Variants in SUPT3H observed in about 807,000 individuals in gnomAD.
SUPT3H encodes the protein transcription initiation protein SPT3 homolog.
Under a neutral mutation model 44.3 loss-of-function variants are expected in SUPT3H, and 44 were observed. That is an observed-to-expected ratio of 0.99 (90% CI 0.78 to 1.28). The LOEUF (loss-of-function observed/expected upper bound fraction) is 1.28, where lower values mean the gene tolerates loss of function less well. SUPT3H is among the 50% of genes most tolerant of loss of function. The pLI is 0.00. For synonymous variants in SUPT3H, 124 were observed against 125.6 expected, an observed-to-expected ratio of 0.99 and a Z score of 0.09; for missense variants, 380 against 387.1, an observed-to-expected ratio of 0.98 and a Z score of 0.15.
At chr6:45,343,192 G>A (rs988762167) in intron 2 of SUPT3H, among the ~76,000 whole-genome samples, 1 of 152,164 alleles carries the variant, frequency 6.6e-6, no homozygotes, top group Non-Finnish European at 1.5e-5. Flanking sequence ...AGCAGAATCA[G>A]CATGACCTGA....
intron 2 of SUPT3H, among the ~76,000 whole-genome samples, chr6:45,161,618 C>T (rs1240530949): frequency 2.0e-5 from 3 of 152,148 alleles, no homozygotes; most frequent in Admixed American, 2.0e-4. Context: ...TCCTTGAAGG[C>T]ATGAATAGTG....
At chr6:45,025,836 T>C (rs568583683) in intron 3 of SUPT3H, among the ~76,000 whole-genome samples, 2 of 145,952 alleles carry the variant, frequency 1.4e-5, no homozygotes, top group East Asian at 4.1e-4. Context: ...TGAGCTGAGA[T>C]AGCGCCACTG....
chr6:45,226,814 C>G (rs1000974444), intron 2 of SUPT3H, among the ~76,000 whole-genome samples: 1 of 151,954 alleles, frequency 6.6e-6, no homozygotes, highest in Non-Finnish European at 1.5e-5. Context: ...CAGGCGTGAG[C>G]CACTGCGCCT....
At chr6:45,109,192 T>C (rs868707483) in intron 2 of SUPT3H, among the ~76,000 whole-genome samples, 3 of 152,158 alleles carry the variant, frequency 2.0e-5, no homozygotes, top group South Asian at 4.1e-4. Context: ...AAACAACCAA[T>C]AGAACAAAAA....
At chr6:45,118,171 A>G (rs1340314499) in intron 2 of SUPT3H, among the ~76,000 whole-genome samples, 1 of 152,100 alleles carries the variant, frequency 6.6e-6, no homozygotes, top group Non-Finnish European at 1.5e-5. Flanking sequence ...TGAAACTCAT[A>G]TTAACCTTTA....
chr6:45,216,054 T>C (rs1478207013), intron 2 of SUPT3H, among the ~76,000 whole-genome samples: 1 of 152,058 alleles, frequency 6.6e-6, no homozygotes. Flanking sequence ...ATGGGGGTAA[T>C]GGTAGCCAAG....
intron 10 of SUPT3H, among the ~76,000 whole-genome samples, chr6:44,900,060 A>C (rs1192331161): frequency 6.6e-6 from 1 of 152,248 alleles, no homozygotes; most frequent in East Asian, 1.9e-4. Context: ...AAGACGGCTG[A>C]ATAGAACAGC....
intron 3 of SUPT3H, among the ~76,000 whole-genome samples, chr6:45,057,769 G>A (rs1381947802): frequency 6.6e-6 from 1 of 152,076 alleles, no homozygotes; most frequent in African/African-American, 2.4e-5. Flanking sequence ...TTGAAAACCT[G>A]GATTTGTGAA....
intron 2 of SUPT3H, among the ~76,000 whole-genome samples, chr6:45,253,172 T>C (rs1016598728): frequency 2.0e-4 from 31 of 152,076 alleles, no homozygotes; most frequent in Admixed American, 4.6e-4. Flanking sequence ...AAATTTCTTA[T>C]AAAAAACAAA....
chr6:44,846,167 A>C (rs147272508), intron 10 of SUPT3H, among the ~76,000 whole-genome samples: 100 of 152,136 alleles, frequency 6.6e-4, no homozygotes, highest in African/African-American at 2.2e-3. Flanking sequence ...GGAGAAGGGA[A>C]TTTTTCCCAT....
chr6:45,046,802 T>C (rs1213044382), intron 3 of SUPT3H, among the ~76,000 whole-genome samples: 1 of 152,240 alleles, frequency 6.6e-6, no homozygotes, highest in Non-Finnish European at 1.5e-5. Context: ...GCAATGAATC[T>C]GTAGAACAAT....
intron 2 of SUPT3H, among the ~76,000 whole-genome samples, chr6:45,296,763 A>AAAAAG (rs773626169): frequency 4.0e-5 from 5 of 125,034 alleles, no homozygotes; most frequent in Admixed American, 9.6e-5. Context: ...AAAAAAAAAA[A>AAAAAG]ATTACAAATA....
intron 2 of SUPT3H, among the ~76,000 whole-genome samples, chr6:45,111,125 C>T (rs866435851): frequency 9.9e-5 from 15 of 151,676 alleles, no homozygotes; most frequent in African/African-American, 3.4e-4. Flanking sequence ...CTCCACCTCC[C>T]GGCTTCAAGC....
intron 3 of SUPT3H, among the ~76,000 whole-genome samples, chr6:45,090,430 T>C (rs569330431): frequency 1.3e-5 from 2 of 152,150 alleles, no homozygotes; most frequent in South Asian, 2.1e-4. Flanking sequence ...TTAGATATGT[T>C]AGAAATGGGA....
intron 2 of SUPT3H, among the ~76,000 whole-genome samples, chr6:45,165,505 G>C (rs1208917340): frequency 6.6e-6 from 1 of 151,820 alleles, no homozygotes; most frequent in African/African-American, 2.4e-5. Context: ...AAAAGATAAA[G>C]TTATCAACAA....
At position 45,302,897 on chromosome 6, in the gene SUPT3H, G is replaced by T. The variant is rs897732980; in HGVS notation, c.101+62304C>A. On this transcript the variant is annotated intron_variant, in intron 2 of 10. Coordinates refer to ENST00000371459, the MANE Select transcript of SUPT3H (RefSeq NM_003599.4). ...ATGGCCATTCTCGCAGGAGTATAGT[G>T]GTATTGCATTGGGTTTTGGTTTAAA... is the stretch of plus-strand genomic sequence containing the variant. Among the ~76,000 whole-genome samples the T allele has an allele frequency of 5.3e-5, 8 of 152,052 alleles. No homozygotes were observed. The East Asian group carries it at 1.5e-3, about 29-fold the overall frequency.
At chr6:45,282,143 CAG>C (rs1015672689) in intron 2 of SUPT3H, among the ~76,000 whole-genome samples, 1 of 152,102 alleles carries the variant, frequency 6.6e-6, no homozygotes, top group Non-Finnish European at 1.5e-5. Context: ...GGGGAAAAAA[CAG>C]AGCAGAAAAA....
At chr6:45,068,924 C>G (rs1793904111) in intron 3 of SUPT3H, among the ~76,000 whole-genome samples, 1 of 151,408 alleles carries the variant, frequency 6.6e-6, no homozygotes, top group Admixed American at 6.6e-5. Context: ...TTATAAAACC[C>G]CCTTAAACAT....
intron 10 of SUPT3H, among the ~76,000 whole-genome samples, chr6:44,832,599 C>G (rs1008617309): frequency 2.0e-5 from 3 of 152,112 alleles, no homozygotes; most frequent in African/African-American, 7.2e-5. Flanking sequence ...TGCTGAAAAG[C>G]TCAGACATTT....
Sources: gnomAD v4.1 joint callset for allele counts (sites outside exome capture counted in the v4.1 genomes callset) on GRCh38, gnomAD v4.1.1 for gene constraint, MANE v1.5 for transcripts, NCBI Gene and HGNC (gene_info 2026-07-23, HGNC 2026-07-21) for gene names.